SULF1: variants seen among roughly 807,000 people sequenced by gnomAD.
SULF1 encodes the protein extracellular sulfatase Sulf-1.
In SULF1, 46 loss-of-function variants were observed where a neutral mutation model predicts 110.5. The observed-to-expected ratio is 0.42, with a 90% CI of 0.33 to 0.53. The LOEUF (loss-of-function observed/expected upper bound fraction) is 0.53. Among genes scored for constraint, SULF1 ranks in the 20% least tolerant of loss-of-function variants. The pLI, the probability that SULF1 is intolerant of heterozygous loss-of-function variation, is 0.12. For synonymous variants in SULF1, 371 were observed against 387.1 expected (o/e 0.96, Z 0.49); for missense variants, 941 against 1,094.2 (o/e 0.86, Z 1.98).
At chr8:69,525,991 T>C (rs1053089287) in intron 3 of SULF1, among the ~76,000 whole-genome samples, 1 of 152,186 alleles carries the variant, frequency 6.6e-6, no homozygotes, top group African/African-American at 2.4e-5. Flanking sequence ...GCTCTATTCT[T>C]TGGATAGGTT....
chr8:69,526,481 G>T (rs1370586065), intron 3 of SULF1, among the ~76,000 whole-genome samples: 1 of 151,642 alleles, frequency 6.6e-6, no homozygotes, highest in Non-Finnish European at 1.5e-5. Context: ...AAAAAGGCAG[G>T]CCAGGCATAG....
intron 17 of SULF1, 110 bp from the exon 18 acceptor site, chr8:69,628,061 T>A: frequency 9.9e-7 from 1 of 1,012,500 alleles, no homozygotes. Flanking sequence ...GCTAAAATAC[T>A]TACAACATCA....
At chr8:69,591,148 G>A (rs1282026310) in intron 8 of SULF1, among the ~76,000 whole-genome samples, 1 of 152,096 alleles carries the variant, frequency 6.6e-6, no homozygotes. Context: ...AAGCCTGCAG[G>A]AAAATCAGCC....
intron 15 of SULF1, among the ~76,000 whole-genome samples, chr8:69,625,350 C>G (rs946471569): frequency 9.9e-5 from 15 of 152,214 alleles, no homozygotes; most frequent in Non-Finnish European, 1.6e-4. Flanking sequence ...ACCATCCACC[C>G]ATGTGACATT....
At chr8:69,641,130 A>G (rs928054612) in intron 22 of SULF1, 2 of 316,924 alleles carry the variant, frequency 6.3e-6, no homozygotes, top group Non-Finnish European at 1.1e-5. Flanking sequence ...AGGAAAAAAA[A>G]CAGAATGGCC....
chr8:69,594,121 G>A (rs182879271), intron 8 of SULF1, among the ~76,000 whole-genome samples: 17 of 151,632 alleles, frequency 1.1e-4, no homozygotes, highest in Non-Finnish European at 2.2e-4. Flanking sequence ...GCACAATCTC[G>A]GCTCACCACA....
At chr8:69,658,356 A>T in intron 22 of SULF1, 149 bp from the exon 23 acceptor site, 1 of 610,730 alleles carries the variant, frequency 1.6e-6, no homozygotes, top group Non-Finnish European at 2.9e-6. Flanking sequence ...ACCTAAGGCC[A>T]CTCTGTGATA....
intron 3 of SULF1, among the ~76,000 whole-genome samples, chr8:69,531,912 G>A (rs1813111403): frequency 6.6e-6 from 1 of 152,086 alleles, no homozygotes; most frequent in Admixed American, 6.6e-5. Context: ...CCCTCTAAGG[G>A]CGAAACTGCA....
chr8:69,494,910 C>G (rs754438873), intron 1 of SULF1, among the ~76,000 whole-genome samples: 1 of 150,510 alleles, frequency 6.6e-6, no homozygotes, highest in African/African-American at 2.4e-5. Flanking sequence ...AAGAGAGAGA[C>G]TATTGTAGTG....
intron 6 of SULF1, among the ~76,000 whole-genome samples, chr8:69,579,160 C>CA (rs1179542392): frequency 0.023 from 1,193 of 51,570 alleles, 25 homozygotes; most frequent in South Asian, 0.041. Flanking sequence ...GACTCTGTCT[C>CA]AAAAAAAAAA....
chr8:69,492,661 G>A (rs1810005387), upstream of SULF1: 1 of 152,236 alleles, frequency 6.6e-6, no homozygotes, highest in South Asian at 2.1e-4. Flanking sequence ...CACATATTCA[G>A]TTGCCCTTTT....
intron 3 of SULF1, among the ~76,000 whole-genome samples, chr8:69,540,671 A>G (rs903000850): frequency 3.3e-5 from 5 of 152,112 alleles, no homozygotes; most frequent in Non-Finnish European, 5.9e-5. Flanking sequence ...AGCACTGTGC[A>G]TTGGTGACCA....
chr8:69,489,866 T>C (rs1415160223), upstream of SULF1, among the ~76,000 whole-genome samples: 1 of 152,060 alleles, frequency 6.6e-6, no homozygotes, highest in Admixed American at 6.5e-5. Flanking sequence ...TTTTCAAGAA[T>C]ACTGTCGGGA....
In SULF1 at chr8:69,613,525, T is replaced by C. The variant is rs182588389; in HGVS notation, c.1378-7510T>C. ...AAAGCAACCAGAGGTCATCTAATAT[T>C]GCACTAAGTATTTTACATGGAAAAC... is the stretch of plus-strand genomic sequence containing the variant. On this transcript the variant is annotated intron_variant, in intron 13 of 22. Transcript: ENST00000402687. 1.5e-3 allele frequency among the ~76,000 whole-genome samples: 236 copies of C among 152,274 alleles called. 1 individual carries two copies. The highest frequency in any genetic ancestry group is 5.4e-3 in the African/African-American group (225 of 41,564).
intron 6 of SULF1, 98 bp downstream of exon 6, chr8:69,576,307 C>A: frequency 7.1e-7 from 1 of 1,403,930 alleles, no homozygotes; most frequent in South Asian, 1.4e-5. Context: ...CCAACAAATA[C>A]CTAAAAAAGG....
intron 3 of SULF1, among the ~76,000 whole-genome samples, chr8:69,538,275 C>CT (rs33972358): frequency 0.032 from 4,145 of 131,062 alleles, 324 homozygotes; most frequent in African/African-American, 0.11. Flanking sequence ...TTTCTGTTGC[C>CT]TTTTTTTTTT....
chr8:69,585,918 T>C (rs1028726153), intron 6 of SULF1, among the ~76,000 whole-genome samples: 1 of 152,242 alleles, frequency 6.6e-6, no homozygotes, highest in Admixed American at 6.5e-5. Context: ...TTTTTATAAT[T>C]CACAATTCTC....
At chr8:69,579,564 C>CACACAAAA in intron 6 of SULF1, among the ~76,000 whole-genome samples, 1 of 105,072 alleles carries the variant, frequency 9.5e-6, no homozygotes, top group East Asian at 2.9e-4. Flanking sequence ...CACACACACA[C>CACACAAAA]AAAAAAAAAA....
At chr8:69,499,862 G>A (rs958259085) in intron 2 of SULF1, among the ~76,000 whole-genome samples, 1 of 151,944 alleles carries the variant, frequency 6.6e-6, no homozygotes, top group Non-Finnish European at 1.5e-5. Context: ...TAATCCTACC[G>A]CCTCAGCCTC....
Sources: gnomAD v4.1 joint callset for allele counts (sites outside exome capture counted in the v4.1 genomes callset) on GRCh38, gnomAD v4.1.1 for gene constraint, MANE v1.5 for transcripts, NCBI Gene and HGNC (gene_info 2026-07-23, HGNC 2026-07-21) for gene names.